The following SLC1A1 variants were observed in gnomAD, a reference collection of about 807,000 sequenced individuals.
SLC1A1 encodes the protein solute carrier family 1 member 1, also known as excitatory amino acid transporter 3.
A neutral mutation model predicts 53.3 loss-of-function variants in SLC1A1; 43 were observed. That is an observed-to-expected ratio of 0.81 (90% CI 0.63 to 1.04). The LOEUF (loss-of-function observed/expected upper bound fraction) is 1.04, where lower values mean the gene tolerates loss of function less well. Among genes scored for constraint, SLC1A1 ranks in the 50% least tolerant of loss-of-function variants. The pLI is 0.00. For synonymous variants in SLC1A1, 307 were observed against 243.2 expected, an observed-to-expected ratio of 1.26 and a Z score of -2.44; for missense variants, 748 against 664.9, an observed-to-expected ratio of 1.12 and a Z score of -1.37.
intron 3 of SLC1A1, among the ~76,000 whole-genome samples, chr9:4,562,023 G>T (rs1015697332): frequency 9.3e-5 from 14 of 150,354 alleles, no homozygotes; most frequent in Admixed American, 8.0e-4. Context: ...CTCCCAAAGT[G>T]CTGGAATTAC....
chr9:4,555,260 A>C (rs1356844809), intron 2 of SLC1A1, among the ~76,000 whole-genome samples: 1 of 152,208 alleles, frequency 6.6e-6, no homozygotes. Flanking sequence ...GTGTCCACTT[A>C]TAATGGCATA....
intron 1 of SLC1A1, among the ~76,000 whole-genome samples, chr9:4,532,327 C>G (rs1412781017): frequency 3.3e-5 from 5 of 152,000 alleles, no homozygotes; most frequent in African/African-American, 1.2e-4. Flanking sequence ...AAAAATTAGA[C>G]GAATGGCTAA....
At chr9:4,508,242 A>G (rs1315475279) in intron 1 of SLC1A1, among the ~76,000 whole-genome samples, 4 of 152,226 alleles carry the variant, frequency 2.6e-5, no homozygotes, top group African/African-American at 9.6e-5. Flanking sequence ...AAAGAGAGTC[A>G]ACCACAGGTA....
intron 5 of SLC1A1, among the ~76,000 whole-genome samples, chr9:4,567,358 C>T (rs920597868): frequency 6.6e-6 from 1 of 152,162 alleles, no homozygotes. Flanking sequence ...TCTGACAGCA[C>T]CTGCAGATCA....
At chr9:4,535,413 AAC>A (rs1419516001) in intron 1 of SLC1A1, among the ~76,000 whole-genome samples, 2 of 152,198 alleles carry the variant, frequency 1.3e-5, no homozygotes, top group Non-Finnish European at 2.9e-5. Flanking sequence ...ATACACCAAT[AAC>A]AGACAAACAG....
At chr9:4,559,016 C>T (rs1012710662) in intron 2 of SLC1A1, among the ~76,000 whole-genome samples, 2 of 152,152 alleles carry the variant, frequency 1.3e-5, no homozygotes, top group Non-Finnish European at 2.9e-5. Context: ...ATATAATATA[C>T]TTAGCAAGCT....
chr9:4,512,747 T>C (rs1286947218), intron 1 of SLC1A1, among the ~76,000 whole-genome samples: 1 of 152,054 alleles, frequency 6.6e-6, no homozygotes, highest in Non-Finnish European at 1.5e-5. Context: ...CCCATAGAAA[T>C]ATGCCCAGTT....
chr9:4,568,911 C>A (rs542581524), intron 6 of SLC1A1, among the ~76,000 whole-genome samples: 3 of 152,094 alleles, frequency 2.0e-5, no homozygotes, highest in African/African-American at 7.2e-5. Context: ...GAAACACATA[C>A]AACAATGTTA....
At chr9:4,551,117 G>C (rs972530341) in intron 2 of SLC1A1, among the ~76,000 whole-genome samples, 2 of 152,194 alleles carry the variant, frequency 1.3e-5, no homozygotes, top group Admixed American at 6.5e-5. Flanking sequence ...TAGAGGGTGA[G>C]CAGAATAAAG....
intron 1 of SLC1A1, among the ~76,000 whole-genome samples, chr9:4,494,293 G>A (rs1020223124): frequency 7.7e-6 from 1 of 129,824 alleles, no homozygotes; most frequent in African/African-American, 2.5e-5. Context: ...GGAAATTGGA[G>A]ATATTACTTA....
intron 1 of SLC1A1, among the ~76,000 whole-genome samples, chr9:4,493,035 A>T (rs1053308589): frequency 6.6e-6 from 1 of 152,188 alleles, no homozygotes; most frequent in African/African-American, 2.4e-5. Context: ...GAAGAAGTAC[A>T]TGCTCATTTT....
intron 1 of SLC1A1, among the ~76,000 whole-genome samples, chr9:4,521,737 G>A (rs76200539): frequency 0.014 from 2,075 of 152,194 alleles, 41 homozygotes; most frequent in African/African-American, 0.048. Flanking sequence ...TTTATGGAAG[G>A]CCTGGAGCCT....
chr9:4,555,627 G>A (rs1453330364), intron 2 of SLC1A1, among the ~76,000 whole-genome samples: 3 of 152,190 alleles, frequency 2.0e-5, no homozygotes, highest in East Asian at 1.9e-4. Context: ...GACAACCGGG[G>A]ATTTTATCCC....
intron 1 of SLC1A1, among the ~76,000 whole-genome samples, chr9:4,502,411 A>AAAAG: frequency 2.0e-5 from 3 of 150,648 alleles, no homozygotes; most frequent in Non-Finnish European, 4.4e-5. Context: ...AAAAAAAAAA[A>AAAAG]AAAGATTCCC....
chr9:4,547,602 A>G (rs1817594749), intron 2 of SLC1A1, among the ~76,000 whole-genome samples: 1 of 152,238 alleles, frequency 6.6e-6, no homozygotes, highest in African/African-American at 2.4e-5. Flanking sequence ...AACTTTCTGG[A>G]GAACAGTTTG....
At chr9:4,574,055 T>C (rs2129791588) in intron 8 of SLC1A1, 41 bp downstream of exon 8, 1 of 1,308,908 alleles carries the variant, frequency 7.6e-7, no homozygotes, top group Non-Finnish European at 1.1e-6. Context: ...CCTCCTTTGA[T>C]CTAATAGGAT....
intron 1 of SLC1A1, among the ~76,000 whole-genome samples, chr9:4,506,877 T>A (rs1820826611): frequency 6.6e-6 from 1 of 152,206 alleles, no homozygotes; most frequent in Admixed American, 6.5e-5. Flanking sequence ...CCAGGGAACA[T>A]CTGTTTTCCA....
chr9:4,531,302 C>T (rs1179624202), intron 1 of SLC1A1, among the ~76,000 whole-genome samples: 1 of 152,168 alleles, frequency 6.6e-6, no homozygotes, highest in African/African-American at 2.4e-5. Context: ...AATTCCCTTT[C>T]CTAGTCAAAG....
At chr9:4,535,184 C>T (rs988623437) in intron 1 of SLC1A1, among the ~76,000 whole-genome samples, 1 of 152,132 alleles carries the variant, frequency 6.6e-6, no homozygotes, top group Non-Finnish European at 1.5e-5. Flanking sequence ...TCCTATTCAA[C>T]ATAGTGTTGG....
Sources: allele counts gnomAD v4.1 joint callset (sites outside exome capture counted in the v4.1 genomes callset), GRCh38; gene constraint gnomAD v4.1.1; transcripts MANE v1.5; gene names NCBI Gene and HGNC (gene_info 2026-07-23, HGNC 2026-07-21).